CDHR2: variants seen among roughly 807,000 people sequenced by gnomAD.
The protein encoded by CDHR2 is cadherin related family member 2.
In CDHR2, 104 loss-of-function variants were observed where a neutral mutation model predicts 138.6. The observed-to-expected ratio is 0.75, with a 90% CI of 0.64 to 0.88. CDHR2 has a LOEUF of 0.88. Among genes scored for constraint, CDHR2 ranks in the 40% least tolerant of loss-of-function variants. The probability of loss-of-function intolerance (pLI) is 0.00; values close to 1 mark genes in which losing one functional copy is unlikely to be tolerated. For missense variants in CDHR2, 1,624 were observed against 1,727.6 expected (o/e 0.94, Z 1.06); for synonymous variants, 755 against 742.8 (o/e 1.02, Z -0.27).
rs549023558 is a variant in CDHR2 at position 176,576,485 on chromosome 5, C to T, written c.1194+300C>T. ...ATGGGTGGCTGGCGAGGTCTCCTGG[C>T]ATTGGGCGGCCATGATTTGGGTAGT... is the stretch of plus-strand genomic sequence containing the variant. On this transcript the variant is annotated intron_variant, in intron 12 of 31. Transcript: ENST00000261944. The surrounding 1 kb of genome is among the most constrained non-coding windows in gnomAD (Gnocchi z 4.5). Among the ~76,000 whole-genome samples, 7 of 151,702 alleles carry T rather than the reference C, an allele frequency of 4.6e-5. No individual in the cohort carries two copies. The South Asian group carries it at 1.5e-3, about 32-fold the overall frequency.
At chr5:176,568,475 C>T (rs937816080) in intron 3 of CDHR2, among the ~76,000 whole-genome samples, 8 of 152,250 alleles carry the variant, frequency 5.3e-5, no homozygotes, top group African/African-American at 1.7e-4. Context: ...GCCCCCTGCA[C>T]TGTGTCCAGT....
rs1581123649 is a variant in CDHR2, at chr5:176,543,874, G to C, written c.-16+1105G>C. Among the ~76,000 whole-genome samples the C allele has an allele frequency of 6.6e-6, 1 of 152,224 alleles. No homozygotes were observed. The highest frequency in any genetic ancestry group is 1.5e-5 in the Non-Finnish European group (1 of 68,036). Reference sequence around the variant, plus strand: ...ACAACAAAACGAGGCGGCCGGCCGAGACATCGGGAGGGATTACGTTCCCCG... The same window carrying C: ...ACAACAAAACGAGGCGGCCGGCCGACACATCGGGAGGGATTACGTTCCCCG... On this transcript the variant is annotated intron_variant, in intron 1 of 31. Transcript: ENST00000510636. The surrounding 1 kb of genome is among the most constrained non-coding windows in gnomAD (Gnocchi z 4.0).
chr5:176,582,206 G>A (rs1455068880), intron 17 of CDHR2, among the ~76,000 whole-genome samples: 4 of 151,988 alleles, frequency 2.6e-5, no homozygotes, highest in Non-Finnish European at 4.4e-5. Context: ...TTTTTGTAGA[G>A]ATGGGGTTTT....
Position 176,585,995 on chromosome 5 carries a change from C to G in CDHR2, c.2776C>G (p.Pro926Ala). 1 of 1,613,990 alleles carries G rather than the reference C, an allele frequency of 6.2e-7. No homozygotes were observed. The highest frequency in any genetic ancestry group is 8.5e-7 in the Non-Finnish European group (1 of 1,179,918). The stretch of plus-strand genomic sequence containing the variant: ...CATTGAGGACGTGAATGACAATGCA[C>G]CCTATTTTCTGCCTGAGAATAAGAC... ...ITIEDVNDNA[P>A]YFLPENKTFV... The change falls in exon 20 of 32, where the codon CCC becomes GCC. Residue 926 changes from proline (P) to alanine (A), a missense_variant. Pro to Ala is a conservative substitution (Grantham distance 27). This residue lies in a region of CDHR2 where 556 missense variants were observed against 565.7 expected (regional missense o/e 0.98). Coordinates refer to ENST00000261944, the MANE Select transcript of CDHR2 (RefSeq NM_017675.6).
intron 31 of CDHR2, 98 bp downstream of exon 31, chr5:176,592,878 AGTTCTGCTTCTCT>A: frequency 9.4e-7 from 1 of 1,063,556 alleles, no homozygotes; most frequent in South Asian, 1.3e-5. Context: ...TGACATGGGC[AGTTCTGCTTCTCT>A]GCACCAGGCC....
At chr5:176,586,730 C>A in intron 20 of CDHR2, 63 bp from the exon 21 acceptor site, 2 of 1,479,470 alleles carry the variant, frequency 1.4e-6, no homozygotes, top group Non-Finnish European at 1.9e-6. Context: ...GGCTCGTGAC[C>A]AGCCTTGGTC....
rs1255071923 is a variant in CDHR2, at chr5:176,589,535, C to G, written c.3125C>G (p.Thr1042Ser). Residue 1042 changes from threonine (T) to serine (S), a missense_variant, in exon 24 of 32, where the codon ACC becomes AGC. Transcript: ENST00000261944. ...LEATTTLNLF[T>S]VDQSYRSRLQ... ...TGCACACCCCCTTCCCAGCTCTTCA[C>G]CGTGGACCAGAGTTACCGCTCGCGG... is the stretch of plus-strand genomic sequence containing the variant. 2 of 1,614,124 alleles carry G rather than the reference C, an allele frequency of 1.2e-6. No homozygotes were observed. Among genetic ancestry groups the G allele is most frequent in the Non-Finnish European group, 1.7e-6 (2 of 1,180,028 alleles).
intron 1 of CDHR2, among the ~76,000 whole-genome samples, chr5:176,563,228 A>T (rs1758005161): frequency 1.3e-5 from 2 of 152,168 alleles, no homozygotes; most frequent in South Asian, 4.1e-4. Flanking sequence ...GGTGCCTGTA[A>T]TCCCAGCTAC....
At chr5:176,560,199 C>T (rs2113268741) in intron 1 of CDHR2, among the ~76,000 whole-genome samples, 1 of 152,252 alleles carries the variant, frequency 6.6e-6, no homozygotes, top group East Asian at 1.9e-4. Context: ...GAGTTCGAGA[C>T]CAGCCTGGCC....
chr5:176,560,432 A>G (rs1449361117), intron 1 of CDHR2, among the ~76,000 whole-genome samples: 6 of 152,030 alleles, frequency 3.9e-5, no homozygotes, highest in African/African-American at 1.4e-4. Context: ...GACGCCAAAA[A>G]AGAATGATTA....
At chr5:176,566,404 G>C (rs943579358) in intron 3 of CDHR2, among the ~76,000 whole-genome samples, 1 of 152,184 alleles carries the variant, frequency 6.6e-6, no homozygotes, top group African/African-American at 2.4e-5. Context: ...GAGCCAGGGG[G>C]CCTAGATACC....
chr5:176,573,967 G>A (rs1581140135), intron 6 of CDHR2, 116 bp from the exon 7 acceptor site: 3 of 778,396 alleles, frequency 3.9e-6, no homozygotes, highest in East Asian at 2.8e-5. Context: ...GAAGGACAGG[G>A]GAACCCTGTC....
intron 20 of CDHR2, 122 bp downstream of exon 20, chr5:176,586,147 C>T: frequency 2.8e-6 from 2 of 713,630 alleles, no homozygotes; most frequent in South Asian, 1.6e-5. Context: ...GCCTCTAATC[C>T]TGCATCTTCC....
At chr5:176,580,696 G>T (rs1336032739) in intron 16 of CDHR2, among the ~76,000 whole-genome samples, 1 of 151,756 alleles carries the variant, frequency 6.6e-6, no homozygotes, top group Admixed American at 6.6e-5. Context: ...CCAACATGGT[G>T]AAACCCCATC....
At chr5:176,586,642 G>A in intron 20 of CDHR2, 151 bp from the exon 21 acceptor site, 1 of 644,508 alleles carries the variant, frequency 1.6e-6, no homozygotes, top group East Asian at 2.7e-5. Context: ...GCTAACTACT[G>A]GCCCAGTGGT....
intron 12 of CDHR2, 93 bp from the exon 13 acceptor site, chr5:176,577,306 G>A (rs915269862): frequency 1.5e-5 from 20 of 1,360,496 alleles, no homozygotes; most frequent in African/African-American, 2.9e-5. Context: ...CTCATCGGGC[G>A]GGGCATCCAG....
intron 1 of CDHR2, among the ~76,000 whole-genome samples, chr5:176,563,656 T>C (rs1758020384): frequency 6.6e-6 from 1 of 152,068 alleles, no homozygotes. Flanking sequence ...TTAACGCTGG[T>C]CGGTTATTGT....
chr5:176,585,841 C>T lies in CDHR2; in HGVS notation c.2735-113C>T, dbSNP rs111922822. 4.3e-3 allele frequency: 3,404 copies of T among 786,070 alleles called. 62 individuals are homozygous for T. The African/African-American group carries it at 0.044, about 10-fold the overall frequency. The allele number at this position is 786,070 out of a possible 1,614,324, so 48.7% of individuals were successfully genotyped here. A position where few individuals can be genotyped will look rare whatever the true frequency, so the allele number is the denominator to read the frequency against. ...GGCACAGGGTTGAGGCTGCGGGGCA[C>T]GGGGTTGAGGCTGCGGGGCATGGGG... On this transcript the variant is annotated intron_variant, in intron 19 of 31. Transcript: ENST00000261944.
chr5:176,587,462 T>A (rs565188374), intron 21 of CDHR2, among the ~76,000 whole-genome samples: 2,497 of 151,498 alleles, frequency 0.016, 19 homozygotes, highest in Middle Eastern at 0.037. Flanking sequence ...AAAAAATAAA[T>A]AAATAAATAA....
Sources: gnomAD v4.1 joint callset for allele counts (sites outside exome capture counted in the v4.1 genomes callset) on GRCh38, gnomAD v4.1.1 for gene constraint, gnomAD v4.1.1 regional missense constraint, Gnocchi (gnomAD v3.1) non-coding constraint, MANE v1.5 for transcripts, NCBI Gene and HGNC (gene_info 2026-07-23, HGNC 2026-07-21) for gene names.